Variants in RABEP1 observed in about 807,000 individuals in gnomAD.
RABEP1 encodes rabaptin, RAB GTPase binding effector protein 1, also known as rab GTPase-binding effector protein 1.
In RABEP1, 51 loss-of-function variants were observed where a neutral mutation model predicts 123.4. That is an observed-to-expected ratio of 0.41 (90% CI 0.33 to 0.52). RABEP1 has a LOEUF of 0.52. Ranked by LOEUF, RABEP1 falls within the 20% of genes least tolerant of loss-of-function variation. The pLI, the probability that RABEP1 is intolerant of heterozygous loss-of-function variation, is 0.16. For missense variants in RABEP1, 888 were observed against 996.3 expected, an observed-to-expected ratio of 0.89 and a Z score of 1.46; for synonymous variants, 347 against 355.2, an observed-to-expected ratio of 0.98 and a Z score of 0.26.
chr17:5,284,971 C>CT (rs532836192), intron 1 of RABEP1, among the ~76,000 whole-genome samples: 6 of 149,188 alleles, frequency 4.0e-5, no homozygotes, highest in South Asian at 2.1e-4. Flanking sequence ...TCTTTGATGA[C>CT]TTTTTAAAAA....
At chr17:5,363,160 C>A in intron 10 of RABEP1, 144 bp downstream of exon 10, 1 of 629,178 alleles carries the variant, frequency 1.6e-6, no homozygotes, top group Non-Finnish European at 2.8e-6. Flanking sequence ...CTGGTACATG[C>A]AATGGCAGTT....
At chr17:5,325,996 A>G (rs1905937200) in intron 2 of RABEP1, among the ~76,000 whole-genome samples, 1 of 152,200 alleles carries the variant, frequency 6.6e-6, no homozygotes, top group South Asian at 2.1e-4. Context: ...TGCCGATACC[A>G]AAAAATGCTG....
intron 11 of RABEP1, among the ~76,000 whole-genome samples, chr17:5,366,406 G>C (rs1312945436): frequency 6.6e-6 from 1 of 152,022 alleles, no homozygotes; most frequent in African/African-American, 2.4e-5. Flanking sequence ...AGAATCTTTT[G>C]GTGATAGGTG....
chr17:5,370,341 T>C (rs1353283728), intron 12 of RABEP1, among the ~76,000 whole-genome samples: 5 of 152,244 alleles, frequency 3.3e-5, no homozygotes, highest in African/African-American at 1.2e-4. Flanking sequence ...CAAAGAGTTG[T>C]TCTGCATCGC....
At chr17:5,378,415 T>G (rs1300309035) in intron 15 of RABEP1, 183 bp downstream of exon 15, 1 of 681,350 alleles carries the variant, frequency 1.5e-6, no homozygotes, top group South Asian at 1.6e-5. Flanking sequence ...GTGCCCTGTG[T>G]GTCAGGCTAC....
chr17:5,347,660 A>G (rs1410593799), intron 6 of RABEP1, among the ~76,000 whole-genome samples: 1 of 152,192 alleles, frequency 6.6e-6, no homozygotes, highest in Non-Finnish European at 1.5e-5. Context: ...GCTCAGTGAT[A>G]CAGAAATTGA....
At chr17:5,337,475 G>T (rs1470125378) in intron 4 of RABEP1, among the ~76,000 whole-genome samples, 1 of 151,928 alleles carries the variant, frequency 6.6e-6, no homozygotes, top group Non-Finnish European at 1.5e-5. Context: ...CATGAGGTCA[G>T]GAGATCGAGA....
At position 5,346,906 on chromosome 17, in the gene RABEP1, G is replaced by A; in HGVS notation, c.765G>A (p.Leu255=). ...TTCTACAGGAAGATGCTGAGAAACT[G>A]CGGAAAGAATTGCATGAAGGTAAAT... is the stretch of plus-strand genomic sequence containing the variant. ...KSVLQEDAEK[L]RKELHEVCHL... Residue 255 remains leucine (L), a synonymous_variant, in exon 6 of 18, where the codon CTG becomes CTA. Transcript: ENST00000537505. The A allele has an allele frequency of 6.2e-7, 1 of 1,603,500 alleles. No homozygotes were observed. Among genetic ancestry groups the A allele is most frequent in the Non-Finnish European group, 8.5e-7 (1 of 1,174,100 alleles).
intron 16 of RABEP1, among the ~76,000 whole-genome samples, chr17:5,381,090 T>C (rs571900318): frequency 2.8e-4 from 42 of 152,280 alleles, no homozygotes; most frequent in African/African-American, 9.6e-4. Context: ...CAGACACCGA[T>C]CTTAGCAGCT....
intron 1 of RABEP1, among the ~76,000 whole-genome samples, chr17:5,289,062 CTT>C (rs2075006619): frequency 1.3e-5 from 2 of 152,076 alleles, no homozygotes; most frequent in East Asian, 3.8e-4. Context: ...ATTATGGCCT[CTT>C]TGTTTATTGG....
In RABEP1 at chr17:5,386,138, C is replaced by A; in HGVS notation, c.*2915C>A. ...CTTTTTATAAATTAGATAATTCTAC[C>A]TGTTTTACAATATGGGTTTAAGCCT... On this transcript the variant is annotated 3_prime_UTR_variant, in exon 18 of 18. Coordinates refer to ENST00000537505, the MANE Select transcript of RABEP1 (RefSeq NM_004703.6). The A allele has an allele frequency of 1.7e-6, 2 of 1,151,470 alleles. No homozygotes were observed. The highest frequency in any genetic ancestry group is 2.5e-5 in the East Asian group (1 of 39,968). 71.3% of individuals were successfully genotyped at this position (1,151,470 alleles called of 1,614,324 possible). A position where few individuals can be genotyped will look rare whatever the true frequency, so the allele number is the denominator to read the frequency against.
At chr17:5,372,626 C>T (rs558680340) in intron 12 of RABEP1, among the ~76,000 whole-genome samples, 7 of 152,296 alleles carry the variant, frequency 4.6e-5, no homozygotes, top group South Asian at 4.1e-4. Flanking sequence ...CTGTCCAGTG[C>T]ACGCCATGGG....
At chr17:5,341,979 A>G (rs1325901033) in intron 5 of RABEP1, among the ~76,000 whole-genome samples, 2 of 152,246 alleles carry the variant, frequency 1.3e-5, no homozygotes, top group African/African-American at 4.8e-5. Context: ...GGGCAGACCC[A>G]TGCTCAGTAA....
chr17:5,311,481 G>T (rs565891532), intron 2 of RABEP1, among the ~76,000 whole-genome samples: 1 of 152,018 alleles, frequency 6.6e-6, no homozygotes, highest in Non-Finnish European at 1.5e-5. Context: ...CGGATCACAA[G>T]GTCATGAGTT....
chr17:5,375,436 A>G (rs1016547202), intron 13 of RABEP1, among the ~76,000 whole-genome samples: 1 of 152,126 alleles, frequency 6.6e-6, no homozygotes, highest in Admixed American at 6.5e-5. Context: ...TGAGGCCTGC[A>G]ATCCTAGCAC....
At chr17:5,331,600 C>T (rs376420525) in intron 2 of RABEP1, among the ~76,000 whole-genome samples, 1 of 152,120 alleles carries the variant, frequency 6.6e-6, no homozygotes, top group Non-Finnish European at 1.5e-5. Flanking sequence ...TACTAATTAG[C>T]GTTTCCAATA....
Position 5,380,462 on chromosome 17 carries a change from G to T in RABEP1, c.2370G>T (p.Lys790Asn). 6.5e-7 allele frequency: 1 copy of T among 1,532,818 alleles called. No individual in the cohort carries two copies. 95.0% of individuals were successfully genotyped at this position (1,532,818 alleles called of 1,614,324 possible). ...EEQLKKETAA[K>N]ATVEQLMFEE... Reference sequence around the variant, plus strand: ...AGTTAAAGAAAGAGACTGCTGCTAAGGTAGTGTTTTCATTAGTCATTTAAT... The same window carrying T: ...AGTTAAAGAAAGAGACTGCTGCTAATGTAGTGTTTTCATTAGTCATTTAAT... Residue 790 changes from lysine (K) to asparagine (N), a missense_variant and splice_region_variant, in exon 16 of 18, where the codon AAG (lysine) becomes AAT (asparagine). By Grantham distance (94) the Lys-to-Asn change is moderately conservative. Transcript: ENST00000537505.
chr17:5,335,143 T>TC (rs1267707538), intron 3 of RABEP1, 41 bp from the exon 4 acceptor site: 4 of 1,494,962 alleles, frequency 2.7e-6, no homozygotes, highest in African/African-American at 1.4e-5. Flanking sequence ...TATTTTTTTT[T>TC]CATAATGCTT....
In RABEP1 at chr17:5,383,352, A is replaced by G. The variant is rs530458846; in HGVS notation, c.*129A>G. On this transcript the variant is annotated 3_prime_UTR_variant, in exon 18 of 18. Transcript: ENST00000537505. ...CAAAAGGAAGACTGGAGAAATGCTTACTTCTAGAGGGAGAAGACTGTGCGG... is the reference window on the plus strand; with the variant it reads ...CAAAAGGAAGACTGGAGAAATGCTTGCTTCTAGAGGGAGAAGACTGTGCGG... The G allele has an allele frequency of 2.0e-4, 155 of 759,660 alleles. 3 individuals are homozygous for G. In the South Asian group the frequency reaches 2.4e-3, roughly 12 times the overall value. 47.1% of individuals were successfully genotyped at this position (759,660 alleles called of 1,614,324 possible).
Sources: allele counts gnomAD v4.1 joint callset (sites outside exome capture counted in the v4.1 genomes callset), GRCh38; gene constraint gnomAD v4.1.1; transcripts MANE v1.5; gene names NCBI Gene and HGNC (gene_info 2026-07-23, HGNC 2026-07-21).